MMEL1: variants seen among roughly 807,000 people sequenced by gnomAD.
MMEL1 encodes the protein membrane metalloendopeptidase like 1.
A neutral mutation model predicts 117.1 loss-of-function variants in MMEL1; 98 were observed. That is an observed-to-expected ratio of 0.84 (90% confidence interval 0.71 to 0.99). The LOEUF is 0.99. Ranked by LOEUF, MMEL1 falls within the 50% of genes least tolerant of loss-of-function variation. MMEL1 has a pLI of 0.00. For missense variants in MMEL1, 1,014 were observed against 1,049.1 expected (o/e 0.97, Z 0.46); for synonymous variants, 390 against 415.1 (o/e 0.94, Z 0.74).
chr1:2,611,446 G>A, intron 3 of MMEL1, 106 bp from the exon 4 acceptor site: 1 of 257,610 alleles, frequency 3.9e-6, no homozygotes. Context: ...ATGGGGATGG[G>A]CATAGACTGG....
chr1:2,606,355 C>T lies in MMEL1; in HGVS notation c.643G>A (p.Glu215Lys), dbSNP rs756329188. The T allele has an allele frequency of 6.2e-7, 1 of 1,611,656 alleles. No individual in the cohort carries two copies. The highest frequency in any genetic ancestry group is 2.2e-5 in the East Asian group (1 of 44,872). ...ATCAGCGCCAGCTGCCGCTCCAGCT[C>T]CCACTCGAGTCCTGGGGAGACAGTG... ...RWNETVGLEWELERQLALMNS... is the reference protein window; with the variant it reads ...RWNETVGLEWKLERQLALMNS... The change falls in exon 8 of 24, where the codon GAG (glutamate) becomes AAG (lysine). Residue 215 changes from glutamate to lysine, a missense_variant. By Grantham distance (56) the Glu-to-Lys change is moderately conservative. Coordinates refer to ENST00000378412, the MANE Select transcript of MMEL1 (RefSeq NM_033467.4).
chr1:2,591,226 C>G, intron 23 of MMEL1, 137 bp from the exon 24 acceptor site: 1 of 629,396 alleles, frequency 1.6e-6, no homozygotes, highest in Non-Finnish European at 2.7e-6. Context: ...ACATTTCAAC[C>G]ATGAGATAAA....
At chr1:2,615,669 T>C (rs1351442669) in intron 2 of MMEL1, among the ~76,000 whole-genome samples, 1 of 152,160 alleles carries the variant, frequency 6.6e-6, no homozygotes, top group Non-Finnish European at 1.5e-5. Context: ...TAATGCAAGA[T>C]GTTCATAATA....
At chr1:2,600,415 T>C (rs920088912) in intron 11 of MMEL1, among the ~76,000 whole-genome samples, 2 of 151,428 alleles carry the variant, frequency 1.3e-5, no homozygotes, top group African/African-American at 4.8e-5. Context: ...TAAATAAAAC[T>C]GGACCAGGTG....
intron 2 of MMEL1, among the ~76,000 whole-genome samples, chr1:2,620,236 C>T (rs1361466711): frequency 1.3e-5 from 2 of 152,162 alleles, no homozygotes; most frequent in Non-Finnish European, 2.9e-5. Flanking sequence ...TCTGAAGCCA[C>T]GTCTGAACAG....
rs1644812357 is a variant in MMEL1, at chr1:2,595,100, G to A, written c.1584+176C>T. On this transcript the variant is annotated intron_variant, in intron 16 of 23. Coordinates refer to ENST00000378412, the MANE Select transcript of MMEL1 (RefSeq NM_033467.4). The surrounding 1 kb of genome is among the most constrained non-coding windows in gnomAD (Gnocchi z 4.8). ...AAGTCCCTCGTCCCTCCAGGCCTCA[G>A]TTTCCCCATCTGTACACTGAGGGTA... 6.6e-6 allele frequency among the ~76,000 whole-genome samples: 1 copy of A among 152,182 alleles called. No homozygotes were observed. Among genetic ancestry groups the A allele is most frequent in the African/African-American group, 2.4e-5 (1 of 41,446 alleles).
intron 4 of MMEL1, among the ~76,000 whole-genome samples, chr1:2,610,101 C>T (rs751842156): frequency 1.1e-4 from 17 of 152,160 alleles, no homozygotes; most frequent in Non-Finnish European, 1.9e-4. Context: ...AGTGCAGTGG[C>T]GTGATCACAG....
rs1307792048 is a variant in MMEL1, at chr1:2,612,437, C to T, written c.155-233G>A. ...TTGAATGGGGGGCGGTTTGCCCTGCCTTGCCAGCCCCACCCTTTAATTCTC... is the reference window on the plus strand; with the variant it reads ...TTGAATGGGGGGCGGTTTGCCCTGCTTTGCCAGCCCCACCCTTTAATTCTC... On this transcript the variant is annotated intron_variant, in intron 2 of 23. Coordinates refer to ENST00000378412, the MANE Select transcript of MMEL1 (RefSeq NM_033467.4). The surrounding 1 kb of genome is among the most constrained non-coding windows in gnomAD (Gnocchi z 5.4). Among the ~76,000 whole-genome samples, 1 of 152,256 alleles carries T rather than the reference C, an allele frequency of 6.6e-6. No homozygotes were observed. Among genetic ancestry groups the T allele is most frequent in the African/African-American group, 2.4e-5 (1 of 41,546 alleles).
intron 11 of MMEL1, 141 bp downstream of exon 11, chr1:2,603,743 G>T: frequency 4.2e-6 from 3 of 711,480 alleles, no homozygotes; most frequent in Non-Finnish European, 7.0e-6. Context: ...TGGGTGATCA[G>T]GTACAGGGTC....
chr1:2,611,403 G>C (rs1333060241), intron 3 of MMEL1, 63 bp from the exon 4 acceptor site: 1 of 1,316,446 alleles, frequency 7.6e-7, no homozygotes, highest in African/African-American at 1.5e-5. Context: ...GACTGGAGTG[G>C]GTGTGGGCGG....
chr1:2,596,835 G>A, intron 13 of MMEL1, 146 bp from the exon 14 acceptor site: 1 of 872,446 alleles, frequency 1.1e-6, no homozygotes, highest in Non-Finnish European at 1.7e-6. Flanking sequence ...GATGATCTCA[G>A]CCTCACCTCT....
chr1:2,606,570 G>A lies in MMEL1; in HGVS notation c.632-204C>T, dbSNP rs535150729. On this transcript the variant is annotated intron_variant, in intron 7 of 23. Coordinates refer to ENST00000378412, the MANE Select transcript of MMEL1 (RefSeq NM_033467.4). ...CAGGCGGGCCCCCAGGTGACCGGAG[G>A]GGGTTGGGAGCAGCATGGGGTTGTC... is the stretch of plus-strand genomic sequence containing the variant. Among the ~76,000 whole-genome samples, 32 of 152,318 alleles carry A rather than the reference G, an allele frequency of 2.1e-4. No homozygotes were observed. In the South Asian group the frequency reaches 6.2e-3, roughly 30 times the overall value.
rs1388739503 is a variant in MMEL1, at chr1:2,609,499, T to A, written c.455-80A>T. On this transcript the variant is annotated intron_variant, in intron 5 of 23. Coordinates refer to ENST00000378412, the MANE Select transcript of MMEL1 (RefSeq NM_033467.4). ...TCACAGGTCCCTACACCCCCTGAAG[T>A]GCTCGGCGAGAGGCGGCCCCCCAGC... The A allele has an allele frequency of 9.1e-6, 14 of 1,533,516 alleles. No homozygotes were observed. The South Asian group carries it at 1.3e-4, about 14-fold the overall frequency. 95.0% of individuals were successfully genotyped at this position (1,533,516 alleles called of 1,614,324 possible). A position where few individuals can be genotyped will look rare whatever the true frequency, so the allele number is the denominator to read the frequency against.
rs566060618 is a variant in MMEL1 at position 2,601,308 on chromosome 1, T to C, written c.1042-2518A>G. On this transcript the variant is annotated intron_variant, in intron 11 of 23. Transcript: ENST00000378412. ...AGAAATATACATATGGGCCCACGCA[T>C]AGACACACAGGAACACCTGATTTAT... Among the ~76,000 whole-genome samples the C allele has an allele frequency of 6.6e-5, 10 of 152,212 alleles. No homozygotes were observed. The East Asian group carries it at 1.7e-3, about 26-fold the overall frequency.
In MMEL1 at chr1:2,590,740, C is replaced by T; in HGVS notation, c.*250G>A. 1 of 397,448 alleles carries T rather than the reference C, an allele frequency of 2.5e-6. No homozygotes were observed. Among genetic ancestry groups the T allele is most frequent in the Admixed American group, 4.4e-5 (1 of 22,518 alleles). The allele number at this position is 397,448 out of a possible 1,614,324, so 24.6% of individuals were successfully genotyped here. A position where few individuals can be genotyped will look rare whatever the true frequency, so the allele number is the denominator to read the frequency against. On this transcript the variant is annotated 3_prime_UTR_variant, in exon 24 of 24. Coordinates refer to ENST00000378412, the MANE Select transcript of MMEL1 (RefSeq NM_033467.4). ...GACACAGTTGATTGTCTCTACAGAGCTGTGACGGGGGCACTGAGCCCCGCG... is the reference window on the plus strand; with the variant it reads ...GACACAGTTGATTGTCTCTACAGAGTTGTGACGGGGGCACTGAGCCCCGCG...
rs539643145 is a variant in MMEL1, at chr1:2,595,272, G to A, written c.1584+4C>T. On this transcript the variant is annotated splice_donor_region_variant and intron_variant, in intron 16 of 23. Transcript: ENST00000378412. This position sits in a 1 kb window ranked among gnomAD's most constrained non-coding sequence, Gnocchi z 4.8. ...GCAGTTTAGGGCTGGGGTTGGGGGC[G>A]CACATTGGAGTACTCCTCGTCCAGG... 36 of 1,612,884 alleles carry A rather than the reference G, an allele frequency of 2.2e-5. No individual in the cohort carries two copies. The South Asian group carries it at 2.5e-4, about 11-fold the overall frequency.
intron 2 of MMEL1, among the ~76,000 whole-genome samples, chr1:2,625,153 C>G (rs1289903560): frequency 2.0e-5 from 3 of 152,198 alleles, no homozygotes; most frequent in South Asian, 4.1e-4. Flanking sequence ...CCTCCCAAAT[C>G]TCATGTCCTT....
chr1:2,598,154 G>A (rs1262002686), intron 13 of MMEL1, 53 bp downstream of exon 13: 8 of 1,504,050 alleles, frequency 5.3e-6, no homozygotes, highest in Admixed American at 3.3e-5. Context: ...GCTCAGCATC[G>A]TGGCCTGAAT....
chr1:2,626,095 A>G (rs1031542738), intron 2 of MMEL1, among the ~76,000 whole-genome samples: 2 of 152,204 alleles, frequency 1.3e-5, no homozygotes, highest in African/African-American at 4.8e-5. Flanking sequence ...CAAGCAGCGT[A>G]CCTTGTTGTG....
Sources: allele counts gnomAD v4.1 joint callset (sites outside exome capture counted in the v4.1 genomes callset), GRCh38; gene constraint gnomAD v4.1.1; non-coding constraint Gnocchi (gnomAD v3.1); transcripts MANE v1.5; gene names NCBI Gene and HGNC (gene_info 2026-07-23, HGNC 2026-07-21).